The following CACNA2D3 variants were observed in gnomAD, a reference collection of about 807,000 sequenced individuals.
The protein encoded by CACNA2D3 is calcium voltage-gated channel auxiliary subunit alpha2delta 3, also known as voltage-dependent calcium channel subunit alpha-2/delta-3.
Under a neutral mutation model 160.6 loss-of-function variants are expected in CACNA2D3, and 60 were observed. The ratio of observed to expected loss-of-function variants is 0.37; its 90% CI spans 0.30 to 0.46. The LOEUF (loss-of-function observed/expected upper bound fraction) is 0.46. CACNA2D3 is among the 20% of genes least tolerant of loss of function. The pLI is 1.00. For synonymous variants in CACNA2D3, 558 were observed against 492.9 expected (o/e 1.13, Z -1.75); for missense variants, 1,205 against 1,365.0 (o/e 0.88, Z 1.85).
At chr3:54,918,589 A>G (rs1482989964) in intron 27 of CACNA2D3, 1 of 1,614,156 alleles carries the variant, frequency 6.2e-7, no homozygotes. Context: ...AGCTGCCAAC[A>G]TCATGAGACA....
chr3:54,419,925 CTGGCTAATTT>C (rs1471443217), intron 4 of CACNA2D3, among the ~76,000 whole-genome samples: 5 of 151,954 alleles, frequency 3.3e-5, no homozygotes, highest in Non-Finnish European at 7.4e-5. Flanking sequence ...GCCACCATGC[CTGGCTAATTT>C]TTGTATTTTT....
chr3:54,971,475 T>C (rs1412724566), intron 29 of CACNA2D3, among the ~76,000 whole-genome samples: 3 of 152,208 alleles, frequency 2.0e-5, no homozygotes, highest in Admixed American at 2.0e-4. Flanking sequence ...GTTAGTTGGC[T>C]GATTGTACAG....
At chr3:54,736,140 TACACACACAC>T (rs1215376036) in intron 11 of CACNA2D3, among the ~76,000 whole-genome samples, 2 of 80,658 alleles carry the variant, frequency 2.5e-5, no homozygotes, top group African/African-American at 9.6e-5. Flanking sequence ...TGTATATATA[TACACACACAC>T]ACACACACAC....
At chr3:54,990,517 C>CGAG (rs1389414764) in intron 31 of CACNA2D3, among the ~76,000 whole-genome samples, 1 of 151,966 alleles carries the variant, frequency 6.6e-6, no homozygotes, top group Non-Finnish European at 1.5e-5. Context: ...GGTGACAGAG[C>CGAG]GAGACTCCAT....
intron 4 of CACNA2D3, among the ~76,000 whole-genome samples, chr3:54,422,432 T>C (rs1699851582): frequency 6.6e-6 from 1 of 152,150 alleles, no homozygotes; most frequent in Non-Finnish European, 1.5e-5. Flanking sequence ...AAAGGACCAG[T>C]ATGAAGGATA....
At chr3:54,377,448 G>A (rs762874873) in intron 3 of CACNA2D3, among the ~76,000 whole-genome samples, 11 of 152,180 alleles carry the variant, frequency 7.2e-5, no homozygotes, top group Non-Finnish European at 1.3e-4. Context: ...GTGATTCTGG[G>A]AAGTTTCCTT....
At chr3:54,754,015 T>C (rs1007677021) in intron 12 of CACNA2D3, among the ~76,000 whole-genome samples, 26 of 152,254 alleles carry the variant, frequency 1.7e-4, no homozygotes, top group African/African-American at 5.5e-4. Context: ...GTTCTTCCTT[T>C]AATTCTTATT....
chr3:54,500,089 C>T (rs1021579317), intron 4 of CACNA2D3, among the ~76,000 whole-genome samples: 2 of 152,174 alleles, frequency 1.3e-5, no homozygotes, highest in African/African-American at 2.4e-5. Context: ...ATGCATACTA[C>T]ATTAAGGATT....
At chr3:54,544,433 A>G (rs1702029556) in intron 5 of CACNA2D3, among the ~76,000 whole-genome samples, 1 of 150,982 alleles carries the variant, frequency 6.6e-6, no homozygotes, top group South Asian at 2.1e-4. Flanking sequence ...ATACAGGGTC[A>G]TATTCTGTTA....
intron 27 of CACNA2D3, among the ~76,000 whole-genome samples, chr3:54,927,026 A>C (rs1701042296): frequency 6.6e-6 from 1 of 152,240 alleles, no homozygotes; most frequent in Non-Finnish European, 1.5e-5. Context: ...TTTACTATAA[A>C]GTGGTAGAGG....
At chr3:54,321,395 C>T (rs1703989441) in intron 3 of CACNA2D3, among the ~76,000 whole-genome samples, 1 of 152,120 alleles carries the variant, frequency 6.6e-6, no homozygotes, top group South Asian at 2.1e-4. Context: ...GATCCTCCCA[C>T]CTCAGTCTCC....
intron 27 of CACNA2D3, among the ~76,000 whole-genome samples, chr3:54,962,949 A>C (rs974570755): frequency 6.6e-6 from 1 of 152,176 alleles, no homozygotes; most frequent in African/African-American, 2.4e-5. Context: ...TTTTATTTCT[A>C]ATTTTATATG....
At chr3:54,889,367 C>T (rs1360948089) in intron 24 of CACNA2D3, among the ~76,000 whole-genome samples, 1 of 152,158 alleles carries the variant, frequency 6.6e-6, no homozygotes, top group African/African-American at 2.4e-5. Context: ...AAGGTTCGTA[C>T]AGTTTTCCCA....
chr3:54,712,183 A>G (rs1217253399), intron 11 of CACNA2D3, among the ~76,000 whole-genome samples: 2 of 152,102 alleles, frequency 1.3e-5, no homozygotes, highest in Non-Finnish European at 2.9e-5. Flanking sequence ...ACCTGTATTC[A>G]TTTCCTGTTT....
At chr3:54,152,400 A>G (rs1429782614) in intron 2 of CACNA2D3, among the ~76,000 whole-genome samples, 2 of 152,246 alleles carry the variant, frequency 1.3e-5, no homozygotes, top group Non-Finnish European at 1.5e-5. Flanking sequence ...CACTTAAAAA[A>G]AAATCCATGA....
chr3:54,945,625 C>T (rs1701593527), intron 27 of CACNA2D3, among the ~76,000 whole-genome samples: 1 of 152,218 alleles, frequency 6.6e-6, no homozygotes, highest in South Asian at 2.1e-4. Flanking sequence ...CAGTGCCTCT[C>T]AGCCCACCCA....
chr3:55,074,220 G>T lies in CACNA2D3; in HGVS notation c.*14G>T. ...TTCTCAAGGTGACACTGACTGAGAT[G>T]TTCTCTTACTGACTGAGATGTTCTC... On this transcript the variant is annotated 3_prime_UTR_variant, in exon 38 of 38. Coordinates refer to ENST00000474759, the MANE Select transcript of CACNA2D3 (RefSeq NM_018398.3). The T allele has an allele frequency of 2.0e-6, 2 of 1,013,102 alleles. No individual in the cohort carries two copies. Among genetic ancestry groups the T allele is most frequent in the Non-Finnish European group, 2.8e-6 (2 of 703,632 alleles). 62.8% of individuals were successfully genotyped at this position (1,013,102 alleles called of 1,614,324 possible).
At chr3:54,510,036 G>T (rs1575495539) in intron 5 of CACNA2D3, among the ~76,000 whole-genome samples, 1 of 152,194 alleles carries the variant, frequency 6.6e-6, no homozygotes, top group East Asian at 1.9e-4. Flanking sequence ...TTAGGCTTAT[G>T]TTTAGCCTGG....
At chr3:54,717,787 GT>G (rs1701087706) in intron 11 of CACNA2D3, among the ~76,000 whole-genome samples, 1 of 79,454 alleles carries the variant, frequency 1.3e-5, no homozygotes, top group Non-Finnish European at 2.7e-5. Flanking sequence ...GTGCATGTGC[GT>G]GTGTGGTGTG....
Sources: gnomAD v4.1 joint callset for allele counts (sites outside exome capture counted in the v4.1 genomes callset) on GRCh38, gnomAD v4.1.1 for gene constraint, MANE v1.5 for transcripts, NCBI Gene and HGNC (gene_info 2026-07-23, HGNC 2026-07-21) for gene names.